Variants in NCAM2 observed in about 807,000 individuals in gnomAD.
NCAM2 encodes the protein neural cell adhesion molecule 2.
NCAM2 carries 30 observed loss-of-function variants against 98.1 expected under a neutral mutation model. The ratio of observed to expected loss-of-function variants is 0.31; its 90% CI spans 0.23 to 0.41. The LOEUF is 0.41. NCAM2 is among the 10% of genes least tolerant of loss of function. The pLI is 1.00. For synonymous variants in NCAM2, 368 were observed against 342.4 expected (o/e 1.07, Z -0.83); for missense variants, 867 against 1,005.8 (o/e 0.86, Z 1.87).
chr21:21,140,366 A>C (rs13051797), intron 1 of NCAM2, among the ~76,000 whole-genome samples: 4,180 of 152,262 alleles, frequency 0.027, 100 homozygotes, highest in Admixed American at 0.053. Context: ...AATGCACATC[A>C]GGGTCTCTGG....
At chr21:21,265,159 CTTA>C (rs2072170755) in intron 1 of NCAM2, among the ~76,000 whole-genome samples, 1 of 103,834 alleles carries the variant, frequency 9.6e-6, no homozygotes, top group African/African-American at 3.8e-5. Flanking sequence ...TACATATATA[CTTA>C]TATATATTAT....
chr21:21,029,577 T>C (rs576876013), intron 1 of NCAM2, among the ~76,000 whole-genome samples: 1 of 152,298 alleles, frequency 6.6e-6, no homozygotes, highest in Non-Finnish European at 1.5e-5. Context: ...CAAATAGTTA[T>C]CTTCATAAAC....
chr21:21,367,341 T>C (rs1306288009), intron 8 of NCAM2, among the ~76,000 whole-genome samples: 2 of 151,996 alleles, frequency 1.3e-5, no homozygotes, highest in Non-Finnish European at 2.9e-5. Context: ...CCTGATAATG[T>C]ACCTTGACAA....
chr21:21,126,664 A>G (rs143262483), intron 1 of NCAM2, among the ~76,000 whole-genome samples: 34 of 152,162 alleles, frequency 2.2e-4, no homozygotes, highest in African/African-American at 8.2e-4. Context: ...TGAAATTTCA[A>G]CAGAAGCTTC....
chr21:21,332,957 A>T (rs868409848), intron 6 of NCAM2, among the ~76,000 whole-genome samples: 1 of 152,198 alleles, frequency 6.6e-6, no homozygotes, highest in Non-Finnish European at 1.5e-5. Context: ...TTATCATTCA[A>T]TTCTTTAGTG....
chr21:21,073,099 C>T (rs1267620874), intron 1 of NCAM2, among the ~76,000 whole-genome samples: 11 of 152,148 alleles, frequency 7.2e-5, no homozygotes, highest in Admixed American at 7.2e-4. Flanking sequence ...TGGATTATTT[C>T]ACTTAGCCTA....
intron 5 of NCAM2, among the ~76,000 whole-genome samples, chr21:21,293,016 T>G (rs946340825): frequency 3.3e-5 from 5 of 151,808 alleles, no homozygotes; most frequent in Non-Finnish European, 5.9e-5. Flanking sequence ...CCATCAGCTC[T>G]CATGAGAACT....
chr21:21,056,854 T>G (rs1257347137), intron 1 of NCAM2, among the ~76,000 whole-genome samples: 3 of 152,060 alleles, frequency 2.0e-5, no homozygotes. Flanking sequence ...TCTTTCATAA[T>G]TGGAGCGAGA....
intron 1 of NCAM2, among the ~76,000 whole-genome samples, chr21:21,241,715 T>G (rs2071073056): frequency 1.0e-5 from 1 of 97,966 alleles, no homozygotes; most frequent in Non-Finnish European, 2.0e-5. Flanking sequence ...CTGTTTTTTT[T>G]TTTATTAATA....
intron 12 of NCAM2, among the ~76,000 whole-genome samples, chr21:21,466,263 A>T (rs1013663312): frequency 1.3e-5 from 2 of 152,026 alleles, no homozygotes; most frequent in African/African-American, 4.8e-5. Context: ...CTTGAGACAC[A>T]TACAGAATAT....
intron 1 of NCAM2, among the ~76,000 whole-genome samples, chr21:21,232,533 T>C (rs1568806621): frequency 6.6e-6 from 1 of 151,550 alleles, no homozygotes; most frequent in African/African-American, 2.4e-5. Flanking sequence ...AAGGGCAGTT[T>C]GCTTCTCTTC....
rs78842041 is a variant in NCAM2, at chr21:21,198,486, A to G, written c.56-82092A>G. Among the ~76,000 whole-genome samples, 329 of 152,300 alleles carry G rather than the reference A, an allele frequency of 2.2e-3. 11 individuals carry two copies. The East Asian group carries it at 0.059, about 27-fold the overall frequency. ...GAATAGAGAATGACCTTATAGAAAG[A>G]TGAATTAAAATGCTTTAGAAGTTGA... is the stretch of plus-strand genomic sequence containing the variant. On this transcript the variant is annotated intron_variant, in intron 1 of 17. Coordinates refer to ENST00000400546, the MANE Select transcript of NCAM2 (RefSeq NM_004540.5).
intron 1 of NCAM2, among the ~76,000 whole-genome samples, chr21:21,269,948 T>A (rs2072431258): frequency 6.6e-6 from 1 of 152,148 alleles, no homozygotes; most frequent in Non-Finnish European, 1.5e-5. Flanking sequence ...TATGTTTGAT[T>A]TCTGATTTGT....
At chr21:21,393,703 C>T (rs1297064076) in intron 9 of NCAM2, among the ~76,000 whole-genome samples, 1 of 152,000 alleles carries the variant, frequency 6.6e-6, no homozygotes, top group Non-Finnish European at 1.5e-5. Context: ...CCTTTGATAA[C>T]TCAGAAGTTT....
At chr21:21,243,394 G>T (rs2071144440) in intron 1 of NCAM2, among the ~76,000 whole-genome samples, 1 of 152,172 alleles carries the variant, frequency 6.6e-6, no homozygotes, top group Non-Finnish European at 1.5e-5. Context: ...TTTAGCAGAG[G>T]TTCAGTTATT....
chr21:21,309,216 A>G (rs540371907), intron 5 of NCAM2, among the ~76,000 whole-genome samples: 2 of 152,032 alleles, frequency 1.3e-5, no homozygotes, highest in East Asian at 1.9e-4. Flanking sequence ...GCTTCTTTTC[A>G]TAATAATTTT....
chr21:21,044,142 A>G (rs1843427210), intron 1 of NCAM2, among the ~76,000 whole-genome samples: 2 of 152,300 alleles, frequency 1.3e-5, no homozygotes, highest in East Asian at 1.9e-4. Flanking sequence ...ATTTCAGTCA[A>G]TATATCCTAA....
At position 21,442,955 on chromosome 21, in the gene NCAM2, A is replaced by G. The variant is rs368758523; in HGVS notation, c.1654+10674A>G. Reference sequence around the variant, plus strand: ...TTATCCCACCCTCGCCCCTCCTACAAACACTGGATTACTTTAACTATACAA... The same window carrying G: ...TTATCCCACCCTCGCCCCTCCTACAGACACTGGATTACTTTAACTATACAA... On this transcript the variant is annotated intron_variant, in intron 12 of 17. Coordinates refer to ENST00000400546, the MANE Select transcript of NCAM2 (RefSeq NM_004540.5). Among the ~76,000 whole-genome samples, 3 of 152,122 alleles carry G rather than the reference A, an allele frequency of 2.0e-5. No homozygotes were observed. The East Asian group carries it at 5.8e-4, about 29-fold the overall frequency.
chr21:21,508,053 A>G (rs532119623), intron 15 of NCAM2, among the ~76,000 whole-genome samples: 85 of 152,246 alleles, frequency 5.6e-4, no homozygotes, highest in African/African-American at 1.9e-3. Context: ...AATTTTATCA[A>G]TCAGAATACT....
Sources: gnomAD v4.1 joint callset for allele counts (sites outside exome capture counted in the v4.1 genomes callset) on GRCh38, gnomAD v4.1.1 for gene constraint, MANE v1.5 for transcripts, NCBI Gene and HGNC (gene_info 2026-07-23, HGNC 2026-07-21) for gene names.